The following CNTN5 variants were observed in gnomAD, a reference collection of about 807,000 sequenced individuals.
The protein encoded by CNTN5 is contactin-5.
In CNTN5, 77 loss-of-function variants were observed where a neutral mutation model predicts 129.1. The ratio of observed to expected loss-of-function variants is 0.60; its 90% CI spans 0.50 to 0.72. The LOEUF is 0.72. Ranked by LOEUF, CNTN5 falls within the 30% of genes least tolerant of loss-of-function variation. CNTN5 has a pLI of 0.00. For synonymous variants in CNTN5, 509 were observed against 465.6 expected, an observed-to-expected ratio of 1.09 and a Z score of -1.20; for missense variants, 1,478 against 1,328.8, an observed-to-expected ratio of 1.11 and a Z score of -1.75.
intron 10 of CNTN5, among the ~76,000 whole-genome samples, chr11:100,069,662 A>T (rs1430098115): frequency 6.6e-6 from 1 of 152,206 alleles, no homozygotes; most frequent in Admixed American, 6.5e-5. Flanking sequence ...AGCACATATA[A>T]ATATTTTACA....
chr11:100,161,830 TACACAC>T lies in CNTN5; in HGVS notation c.1581-29258_1581-29253del, dbSNP rs71050053. Among the ~76,000 whole-genome samples, 808 of 125,876 alleles carry T rather than the reference TACACAC, an allele frequency of 6.4e-3. 20 individuals carry two copies. The highest frequency in any genetic ancestry group is 0.041 in the Admixed American group (523 of 12,708). The allele number at this position is 125,876 out of a possible 152,430, so 82.6% of individuals were successfully genotyped here. A position where few individuals can be genotyped will look rare whatever the true frequency, so the allele number is the denominator to read the frequency against. ...TCTCAAGGATAGCCCTGGAGCTTCC[TACACAC>T]ACACACACACACACACACACACACA... On this transcript the variant is annotated intron_variant, in intron 13 of 24. Transcript: ENST00000524871.
chr11:99,962,091 A>G (rs1950962407), intron 8 of CNTN5, among the ~76,000 whole-genome samples: 1 of 150,940 alleles, frequency 6.6e-6, no homozygotes, highest in African/African-American at 2.5e-5. Flanking sequence ...CTAAGATAAT[A>G]TGAAAAAACT....
At chr11:99,965,439 G>A (rs1041404314) in intron 8 of CNTN5, among the ~76,000 whole-genome samples, 1 of 151,664 alleles carries the variant, frequency 6.6e-6, no homozygotes, top group Admixed American at 6.6e-5. Context: ...TTCAGGAGCA[G>A]GTTGTTCAGT....
intron 1 of CNTN5, among the ~76,000 whole-genome samples, chr11:99,232,125 T>C (rs745873564): frequency 6.6e-5 from 10 of 152,180 alleles, no homozygotes; most frequent in Non-Finnish European, 1.3e-4. Context: ...TTGTCTTGGC[T>C]ATACGGGCTC....
chr11:99,171,864 T>G (rs888497509), intron 1 of CNTN5, among the ~76,000 whole-genome samples: 3 of 152,138 alleles, frequency 2.0e-5, no homozygotes, highest in African/African-American at 7.2e-5. Flanking sequence ...CAGAATACTT[T>G]GAGGATTTTA....
intron 3 of CNTN5, among the ~76,000 whole-genome samples, chr11:99,778,839 TCAA>T (rs1488604099): frequency 2.8e-5 from 4 of 144,222 alleles, no homozygotes; most frequent in African/African-American, 9.8e-5. Context: ...GAAATTAATA[TCAA>T]CAATTTTTCT....
chr11:100,296,936 A>G (rs1360393642), intron 18 of CNTN5, among the ~76,000 whole-genome samples: 3 of 151,608 alleles, frequency 2.0e-5, no homozygotes, highest in Non-Finnish European at 4.4e-5. Flanking sequence ...TTCTTCATTT[A>G]AAAGTTCTTC....
intron 1 of CNTN5, among the ~76,000 whole-genome samples, chr11:99,134,832 CAT>C (rs1202761327): frequency 6.6e-6 from 1 of 152,154 alleles, no homozygotes; most frequent in Non-Finnish European, 1.5e-5. Flanking sequence ...TTTCTAATGA[CAT>C]GTGAATGATT....
chr11:99,726,779 C>G (rs72985840), intron 3 of CNTN5, among the ~76,000 whole-genome samples: 18,201 of 152,044 alleles, frequency 0.12, 1,208 homozygotes, highest in East Asian at 0.23. Context: ...CAGATTCTTC[C>G]GGCAGGTCAT....
At chr11:99,752,232 G>C (rs1255862371) in intron 3 of CNTN5, among the ~76,000 whole-genome samples, 1 of 152,136 alleles carries the variant, frequency 6.6e-6, no homozygotes, top group Non-Finnish European at 1.5e-5. Flanking sequence ...TTGAGGAAGC[G>C]CTTTGTTTTT....
At chr11:99,940,700 C>G (rs886121490) in intron 7 of CNTN5, among the ~76,000 whole-genome samples, 3 of 152,038 alleles carry the variant, frequency 2.0e-5, no homozygotes, top group African/African-American at 7.2e-5. Flanking sequence ...TTTTGGCAGT[C>G]TTAGCTGAGA....
chr11:100,216,363 C>G (rs1033739081), intron 15 of CNTN5, among the ~76,000 whole-genome samples: 2 of 151,972 alleles, frequency 1.3e-5, no homozygotes, highest in Non-Finnish European at 2.9e-5. Context: ...TAATATTAAT[C>G]TTAAAAGATA....
chr11:99,044,467 A>G (rs11218184), intron 1 of CNTN5, among the ~76,000 whole-genome samples: 2,046 of 152,224 alleles, frequency 0.013, 48 homozygotes, highest in African/African-American at 0.047. Flanking sequence ...TGAGCAGTCT[A>G]GTCCTCATTT....
At chr11:99,961,457 A>T (rs1950945001) in intron 8 of CNTN5, among the ~76,000 whole-genome samples, 1 of 152,194 alleles carries the variant, frequency 6.6e-6, no homozygotes, top group Non-Finnish European at 1.5e-5. Context: ...GAGTTAAAGT[A>T]TTAAAGAAGT....
intron 13 of CNTN5, among the ~76,000 whole-genome samples, chr11:100,086,729 A>G (rs1357771659): frequency 6.6e-6 from 1 of 151,626 alleles, no homozygotes; most frequent in Non-Finnish European, 1.5e-5. Flanking sequence ...ATAATGGGAA[A>G]AAATGAATCA....
chr11:100,298,817 G>A (rs2138888021), intron 19 of CNTN5, among the ~76,000 whole-genome samples: 2 of 150,868 alleles, frequency 1.3e-5, no homozygotes, highest in South Asian at 2.1e-4. Flanking sequence ...AGATATTCCC[G>A]ACCACCAGAC....
At chr11:99,538,939 A>G (rs1947997999) in intron 2 of CNTN5, among the ~76,000 whole-genome samples, 1 of 152,118 alleles carries the variant, frequency 6.6e-6, no homozygotes, top group African/African-American at 2.4e-5. Flanking sequence ...TTTTACTTGA[A>G]GAAATATACT....
At chr11:99,736,752 A>G (rs1320010006) in intron 3 of CNTN5, among the ~76,000 whole-genome samples, 2 of 152,154 alleles carry the variant, frequency 1.3e-5, no homozygotes, top group Non-Finnish European at 1.5e-5. Flanking sequence ...AGGCCTATCT[A>G]TATGTATCTA....
At chr11:99,573,573 C>G (rs562433195) in intron 3 of CNTN5, among the ~76,000 whole-genome samples, 2 of 78,050 alleles carry the variant, frequency 2.6e-5, no homozygotes, top group South Asian at 4.4e-4. Flanking sequence ...GACTCCGTCT[C>G]AAAAAAAAAT....
Sources: allele counts gnomAD v4.1 joint callset (sites outside exome capture counted in the v4.1 genomes callset), GRCh38; gene constraint gnomAD v4.1.1; transcripts MANE v1.5; gene names NCBI Gene and HGNC (gene_info 2026-07-23, HGNC 2026-07-21).